The following LGR6 variants were observed in gnomAD, a reference collection of about 807,000 sequenced individuals.
The protein encoded by LGR6 is leucine-rich repeat-containing G protein-coupled receptor 6.
Under a neutral mutation model 69.4 loss-of-function variants are expected in LGR6, and 45 were observed. The observed-to-expected ratio is 0.65, with a 90% CI of 0.51 to 0.83. The LOEUF is 0.83. Ranked by LOEUF, LGR6 falls within the 40% of genes least tolerant of loss-of-function variation. The pLI is 0.00. For synonymous variants in LGR6, 538 were observed against 555.0 expected, an observed-to-expected ratio of 0.97 and a Z score of 0.43; for missense variants, 1,108 against 1,246.7, an observed-to-expected ratio of 0.89 and a Z score of 1.68.
chr1:202,194,943 G>T (rs1439434020), intron 1 of LGR6, among the ~76,000 whole-genome samples: 1 of 152,164 alleles, frequency 6.6e-6, no homozygotes, highest in Non-Finnish European at 1.5e-5. Context: ...CGCGTGAAGG[G>T]GACCCTACTG....
intron 4 of LGR6, among the ~76,000 whole-genome samples, chr1:202,255,568 G>T (rs1264292122): frequency 2.6e-5 from 4 of 152,132 alleles, no homozygotes; most frequent in Admixed American, 1.3e-4. Context: ...CCAACAGCCT[G>T]GGAGTTAATT....
intron 6 of LGR6, among the ~76,000 whole-genome samples, chr1:202,282,888 AGC>A (rs572837343): frequency 1.3e-5 from 2 of 152,312 alleles, no homozygotes; most frequent in South Asian, 4.1e-4. Flanking sequence ...CATCACACAA[AGC>A]CCAGGGCCTG....
intron 10 of LGR6, 99 bp downstream of exon 10, chr1:202,303,446 T>A: frequency 1.1e-6 from 1 of 922,622 alleles, no homozygotes; most frequent in South Asian, 1.4e-5. Context: ...GGTTCCTTGC[T>A]TCCCTTTTAT....
chr1:202,264,660 C>T (rs552484260), intron 4 of LGR6, among the ~76,000 whole-genome samples: 31 of 152,346 alleles, frequency 2.0e-4, no homozygotes, highest in Non-Finnish European at 3.8e-4. Context: ...TGGCCTTCTG[C>T]CCAGATCTGT....
chr1:202,250,490 C>T (rs111684247), intron 4 of LGR6, among the ~76,000 whole-genome samples: 4,260 of 152,188 alleles, frequency 0.028, 95 homozygotes, highest in Middle Eastern at 0.085. Flanking sequence ...ACCGCAACCT[C>T]TGCTTTCAAG....
chr1:202,214,992 T>TGTGTGG (rs1298460969), intron 1 of LGR6, among the ~76,000 whole-genome samples: 3 of 112,222 alleles, frequency 2.7e-5, no homozygotes, highest in Non-Finnish European at 4.0e-5. Context: ...TGCACCTGGG[T>TGTGTGG]GTGTGTGTGT....
intron 17 of LGR6, among the ~76,000 whole-genome samples, chr1:202,315,852 GAAA>G (rs1558089447): frequency 2.0e-5 from 3 of 152,108 alleles, no homozygotes. Context: ...TTCTGACTTG[GAAA>G]AACACACATG....
At chr1:202,306,652 G>A (rs1653220058) in intron 12 of LGR6, 1 of 606,752 alleles carries the variant, frequency 1.6e-6, no homozygotes, top group Non-Finnish European at 3.0e-6. Flanking sequence ...TGGGCCACAG[G>A]GATGGTTTTG....
chr1:202,257,245 CT>C (rs1571909115), intron 4 of LGR6, among the ~76,000 whole-genome samples: 1 of 151,908 alleles, frequency 6.6e-6, no homozygotes, highest in Non-Finnish European at 1.5e-5. Context: ...CCCATTCTGT[CT>C]TTTGTCTTTT....
In LGR6 at chr1:202,319,237, T is replaced by C; in HGVS notation, c.*30T>C. 6.5e-7 allele frequency: 1 copy of C among 1,532,390 alleles called. No individual in the cohort carries two copies. The highest frequency in any genetic ancestry group is 2.3e-5 in the East Asian group (1 of 44,016). 94.9% of individuals were successfully genotyped at this position (1,532,390 alleles called of 1,614,324 possible). A position where few individuals can be genotyped will look rare whatever the true frequency, so the allele number is the denominator to read the frequency against. The stretch of plus-strand genomic sequence containing the variant: ...CCCTCCCCATTCTTCTCTTCCCCTC[T>C]CTTCCCTTTCCTCTCTCCCCCTCGG... On this transcript the variant is annotated 3_prime_UTR_variant, in exon 18 of 18. Transcript: ENST00000367278.
Position 202,310,373 on chromosome 1 carries a change from C to A in LGR6, c.1567+16C>A. ...GAGAACCACTGTGAGTGACCAGGGG[C>A]CCTGGGTTGGGGAGGGTAGTGGGCT... is the stretch of plus-strand genomic sequence containing the variant. On this transcript the variant is annotated intron_variant, in intron 16 of 17. Transcript: ENST00000367278. 6.2e-7 allele frequency: 1 copy of A among 1,611,994 alleles called. No homozygotes were observed. Among genetic ancestry groups the A allele is most frequent in the Non-Finnish European group, 8.5e-7 (1 of 1,179,576 alleles).
At position 202,233,492 on chromosome 1, in the gene LGR6, C is replaced by T. The variant is rs574168701; in HGVS notation, c.357-2430C>T. The stretch of plus-strand genomic sequence containing the variant: ...CAAGGCAGGCCTCTGAGATGGGAAG[C>T]GAAGGCCCACCCTTTAGATGAAAGA... On this transcript the variant is annotated intron_variant, in intron 3 of 17. Transcript: ENST00000367278. Among the ~76,000 whole-genome samples, 4 of 152,192 alleles carry T rather than the reference C, an allele frequency of 2.6e-5. No homozygotes were observed. In the East Asian group the frequency reaches 5.8e-4, roughly 22 times the overall value.
rs1391177707 is a variant in LGR6 at position 202,318,629 on chromosome 1, G to A, written c.2326G>A (p.Ala776Thr). 6.2e-7 allele frequency: 1 copy of A among 1,613,842 alleles called. No homozygotes were observed. The highest frequency in any genetic ancestry group is 8.5e-7 in the Non-Finnish European group (1 of 1,180,014). ...VWDCAMVRHV[A>T]WLIFADGLLY... is the part of the protein sequence containing the mutation. ...GGACTGCGCCATGGTGAGGCACGTG[G>A]CCTGGCTCATCTTCGCAGACGGGCT... Residue 776 changes from alanine to threonine, a missense_variant, in exon 18 of 18, where the codon GCC becomes ACC. Coordinates refer to ENST00000367278, the MANE Select transcript of LGR6 (RefSeq NM_001017403.2).
chr1:202,308,603 G>C (rs1203625524), intron 14 of LGR6, among the ~76,000 whole-genome samples: 1 of 152,174 alleles, frequency 6.6e-6, no homozygotes, highest in Admixed American at 6.5e-5. Context: ...TCCAGTCCCA[G>C]ACTCAGCCCT....
chr1:202,203,098 C>T (rs778738903), intron 1 of LGR6, among the ~76,000 whole-genome samples: 4 of 152,156 alleles, frequency 2.6e-5, no homozygotes, highest in Non-Finnish European at 5.9e-5. Flanking sequence ...AGATGAAGTG[C>T]TTCTTTGTAT....
intron 12 of LGR6, 54 bp from the exon 13 acceptor site, chr1:202,306,814 A>T (rs766371321): frequency 6.0e-6 from 9 of 1,512,394 alleles, no homozygotes; most frequent in African/African-American, 1.4e-5. Context: ...GGGGGCATGG[A>T]GCGGAGCCAG....
rs563444840 is a variant in LGR6 at position 202,250,897 on chromosome 1, G to T, written c.428+14904G>T. Among the ~76,000 whole-genome samples the T allele has an allele frequency of 2.6e-5, 4 of 152,314 alleles. No individual in the cohort carries two copies. The East Asian group carries it at 7.7e-4, about 29-fold the overall frequency. On this transcript the variant is annotated intron_variant, in intron 4 of 17. Coordinates refer to ENST00000367278, the MANE Select transcript of LGR6 (RefSeq NM_001017403.2). ...CTTGAATTTAAACTCAAGTATGTCT[G>T]ATTCCTGAGTCCATGCTTTTTCTGC...
intron 15 of LGR6, among the ~76,000 whole-genome samples, chr1:202,309,932 G>A (rs1405425685): frequency 1.3e-5 from 2 of 152,194 alleles, no homozygotes; most frequent in Non-Finnish European, 2.9e-5. Flanking sequence ...TAAACAATGG[G>A]CAGAATGTTT....
chr1:202,260,281 C>T (rs189599347), intron 4 of LGR6, among the ~76,000 whole-genome samples: 13 of 151,710 alleles, frequency 8.6e-5, no homozygotes, highest in Admixed American at 5.2e-4. Context: ...TCAGGTGATC[C>T]GCCCGTCTCA....
Sources: gnomAD v4.1 joint callset for allele counts (sites outside exome capture counted in the v4.1 genomes callset) on GRCh38, gnomAD v4.1.1 for gene constraint, MANE v1.5 for transcripts, NCBI Gene and HGNC (gene_info 2026-07-23, HGNC 2026-07-21) for gene names.